ATPAF1: variants seen among roughly 807,000 people sequenced by gnomAD.
The protein encoded by ATPAF1 is ATP synthase mitochondrial F1 complex assembly factor 1.
Under a neutral mutation model 43.9 loss-of-function variants are expected in ATPAF1, and 26 were observed. That is an observed-to-expected ratio of 0.59 (90% CI 0.43 to 0.82). ATPAF1 has a LOEUF of 0.82. Among genes scored for constraint, ATPAF1 ranks in the 40% least tolerant of loss-of-function variants. The pLI is 0.00. For synonymous variants in ATPAF1, 157 were observed against 168.0 expected, an observed-to-expected ratio of 0.93 and a Z score of 0.50; for missense variants, 366 against 435.0, an observed-to-expected ratio of 0.84 and a Z score of 1.41.
intron 8 of ATPAF1, among the ~76,000 whole-genome samples, chr1:46,637,114 C>G (rs1675855570): frequency 6.6e-6 from 1 of 152,156 alleles, no homozygotes; most frequent in Non-Finnish European, 1.5e-5. Flanking sequence ...GTTATGCAGC[C>G]ATTTATAACT....
intron 6 of ATPAF1, among the ~76,000 whole-genome samples, chr1:46,646,756 T>C (rs1238228537): frequency 6.6e-6 from 1 of 152,206 alleles, no homozygotes; most frequent in Non-Finnish European, 1.5e-5. Context: ...TTGATGAGTG[T>C]GACATATGTG....
intron 6 of ATPAF1, among the ~76,000 whole-genome samples, chr1:46,651,732 G>A (rs1676173622): frequency 6.6e-6 from 1 of 152,118 alleles, no homozygotes; most frequent in South Asian, 2.1e-4. Flanking sequence ...ACTACCATCA[G>A]AGTGAACAGG....
At chr1:46,645,407 A>T in intron 6 of ATPAF1, 151 bp from the exon 7 acceptor site, 1 of 641,240 alleles carries the variant, frequency 1.6e-6, no homozygotes, top group Non-Finnish European at 2.7e-6. Flanking sequence ...TCTGTTGTCC[A>T]GGCTGCAGTG....
exon 9 of ATPAF1, chr1:46,635,889 C>T (rs1364655421): frequency 1.2e-6 from 2 of 1,614,280 alleles, no homozygotes; most frequent in Non-Finnish European, 1.7e-6. Context: ...TTAAAGGTCT[C>T]CACTAACCCG....
chr1:46,667,745 T>C (rs1263005329), intron 1 of ATPAF1, among the ~76,000 whole-genome samples: 1 of 152,172 alleles, frequency 6.6e-6, no homozygotes, highest in East Asian at 1.9e-4. Context: ...GAAGGCGTTT[T>C]CCCATTTCTA....
chr1:46,635,715 G>A (rs1675824199), exon 9 of ATPAF1: 5 of 1,483,904 alleles, frequency 3.4e-6, no homozygotes, highest in Admixed American at 2.0e-5. Flanking sequence ...TCCTGAGGAG[G>A]GGGTGGGCTC....
At chr1:46,633,715 A>T (rs1200752331), downstream of ATPAF1, 1 of 456,104 alleles carries the variant, frequency 2.2e-6, no homozygotes, top group African/African-American at 2.0e-5. Context: ...CTGAGGACAA[A>T]TCCAGGAGGA....
At chr1:46,635,839 A>T in exon 9 of ATPAF1, 1 of 1,614,232 alleles carries the variant, frequency 6.2e-7, no homozygotes, top group Non-Finnish European at 8.5e-7. Flanking sequence ...GCTCCAATTC[A>T]GCGATGACAG....
At chr1:46,635,949 T>G (rs548918610) in exon 9 of ATPAF1, 1 of 1,614,270 alleles carries the variant, frequency 6.2e-7, no homozygotes, top group South Asian at 1.1e-5. Flanking sequence ...TGGTTGGCGA[T>G]GCACTGTGCC....
upstream of ATPAF1, chr1:46,668,365 G>C (rs1329350699): frequency 3.1e-6 from 4 of 1,270,874 alleles, no homozygotes; most frequent in African/African-American, 4.7e-5. The surrounding 1 kb of genome is among the most constrained non-coding windows in gnomAD (Gnocchi z 4.4). Context: ...CGTCGGCCTC[G>C]GCCCGCGGCC....
At chr1:46,636,189 T>C (rs1675837690) in intron 8 of ATPAF1, 1 of 611,580 alleles carries the variant, frequency 1.6e-6, no homozygotes, top group South Asian at 1.9e-5. Context: ...TGTATTGTAT[T>C]TTTCCTTTTC....
intron 7 of ATPAF1, 138 bp from the exon 8 acceptor site, chr1:46,643,439 T>C: frequency 1.6e-6 from 1 of 643,448 alleles, no homozygotes; most frequent in Non-Finnish European, 2.7e-6. Flanking sequence ...GACTGGTATG[T>C]GGTGGTAAGG....
In ATPAF1 at chr1:46,653,239, T is replaced by G. The variant is rs577134697; in HGVS notation, c.540+578A>C. ...TAATCCAGTACTTCAGATGCTTTAT[T>G]ATAGTGAAGGCCAGCAAAACATTAA... On this transcript the variant is annotated intron_variant, in intron 5 of 8. Coordinates refer to ENST00000574428, the Ensembl canonical transcript of ATPAF1. This position sits in a 1 kb window ranked among gnomAD's most constrained non-coding sequence, Gnocchi z 4.8. Among the ~76,000 whole-genome samples, 7 of 152,256 alleles carry G rather than the reference T, an allele frequency of 4.6e-5. No homozygotes were observed. The highest frequency in any genetic ancestry group is 1.4e-4 in the African/African-American group (6 of 41,556).
At chr1:46,660,913 C>T (rs1243359518) in intron 2 of ATPAF1, among the ~76,000 whole-genome samples, 1 of 151,804 alleles carries the variant, frequency 6.6e-6, no homozygotes, top group Non-Finnish European at 1.5e-5. Context: ...CTGAAAATAC[C>T]TATAATATTT....
At chr1:46,648,141 T>C (rs1314777937) in intron 6 of ATPAF1, among the ~76,000 whole-genome samples, 2 of 152,218 alleles carry the variant, frequency 1.3e-5, no homozygotes, top group African/African-American at 2.4e-5. Flanking sequence ...AGACAGAATC[T>C]CACTCTGTCA....
At chr1:46,667,876 C>T (rs937264730) in intron 1 of ATPAF1, among the ~76,000 whole-genome samples, 181 bp downstream of exon 1, 25 of 152,344 alleles carry the variant, frequency 1.6e-4, no homozygotes, top group Middle Eastern at 3.4e-3. Flanking sequence ...AGACTCCCAG[C>T]TCTGACACCA....
chr1:46,665,565 A>G (rs1280481781), intron 1 of ATPAF1: 6 of 1,229,110 alleles, frequency 4.9e-6, no homozygotes, highest in Non-Finnish European at 5.7e-6. Flanking sequence ...ACTGTTGTTA[A>G]TCCTCAAGGG....
chr1:46,658,068 G>A, intron 4 of ATPAF1, 59 bp downstream of exon 4: 1 of 1,506,040 alleles, frequency 6.6e-7, no homozygotes. Flanking sequence ...TGTACTTTCA[G>A]ATTTGGTTCA....
upstream of ATPAF1, chr1:46,668,468 C>G (rs529987286): frequency 1.1e-6 from 1 of 929,496 alleles, no homozygotes; most frequent in African/African-American, 1.8e-5. This position sits in a 1 kb window ranked among gnomAD's most constrained non-coding sequence, Gnocchi z 4.4. Context: ...GGGATAGCGG[C>G]GAGGCGGGGC....
Sources: gnomAD v4.1 joint callset for allele counts (sites outside exome capture counted in the v4.1 genomes callset) on GRCh38, gnomAD v4.1.1 for gene constraint, Gnocchi (gnomAD v3.1) non-coding constraint, MANE v1.5 for transcripts, NCBI Gene and HGNC (gene_info 2026-07-23, HGNC 2026-07-21) for gene names.